The following MAGI2 variants were observed in gnomAD, a reference collection of about 807,000 sequenced individuals.
The protein encoded by MAGI2 is membrane associated guanylate kinase, WW and PDZ domain containing 2, also known as membrane-associated guanylate kinase, WW and PDZ domain-containing protein 2.
A neutral mutation model predicts 133.3 loss-of-function variants in MAGI2; 35 were observed. That is an observed-to-expected ratio of 0.26 (90% CI 0.20 to 0.35). The LOEUF (loss-of-function observed/expected upper bound fraction) is 0.35, where lower values mean the gene tolerates loss of function less well. Among genes scored for constraint, MAGI2 ranks in the 10% least tolerant of loss-of-function variants. The probability of loss-of-function intolerance (pLI) is 1.00; values close to 1 mark genes in which losing one functional copy is unlikely to be tolerated. For missense variants in MAGI2, 1,636 were observed against 1,863.4 expected, an observed-to-expected ratio of 0.88 and a Z score of 2.25; for synonymous variants, 729 against 710.6, an observed-to-expected ratio of 1.03 and a Z score of -0.41.
At chr7:78,910,933 C>T (rs1798354882) in intron 2 of MAGI2, among the ~76,000 whole-genome samples, 1 of 152,154 alleles carries the variant, frequency 6.6e-6, no homozygotes, top group Non-Finnish European at 1.5e-5. Flanking sequence ...CACACATTTG[C>T]ACTCTTGACC....
At chr7:79,302,904 CA>C (rs1303512458) in intron 1 of MAGI2, among the ~76,000 whole-genome samples, 3 of 152,318 alleles carry the variant, frequency 2.0e-5, no homozygotes, top group East Asian at 1.9e-4. Flanking sequence ...TTTGCTATAG[CA>C]CACACTTGAT....
chr7:78,993,397 T>C (rs1805979877), intron 2 of MAGI2, among the ~76,000 whole-genome samples: 1 of 152,120 alleles, frequency 6.6e-6, no homozygotes, highest in African/African-American at 2.4e-5. Flanking sequence ...GCTGGTACTA[T>C]ATGTATATTG....
chr7:78,782,150 A>C (rs774901718), intron 2 of MAGI2, among the ~76,000 whole-genome samples: 1 of 152,202 alleles, frequency 6.6e-6, no homozygotes, highest in South Asian at 2.1e-4. Context: ...AGCTTCCTCC[A>C]ACTCAGGAGA....
At chr7:78,429,313 T>A (rs1249414290) in intron 6 of MAGI2, among the ~76,000 whole-genome samples, 1 of 152,094 alleles carries the variant, frequency 6.6e-6, no homozygotes, top group East Asian at 1.9e-4. Flanking sequence ...TTTTCTTTTC[T>A]CCTTTTCTGA....
rs138178689 is a variant in MAGI2, at chr7:78,410,850, A to C, written c.1046-41637T>G. ...AAGATCAAAGATAATAAAAATCAAAAAGGGAATATAATATATATAAACCTT... is the reference window on the plus strand; with the variant it reads ...AAGATCAAAGATAATAAAAATCAAACAGGGAATATAATATATATAAACCTT... On this transcript the variant is annotated intron_variant, in intron 6 of 21. Transcript: ENST00000354212. 5.7e-3 allele frequency among the ~76,000 whole-genome samples: 874 copies of C among 152,124 alleles called. 5 individuals are homozygous for C. The highest frequency in any genetic ancestry group is 0.02 in the Middle Eastern group (6 of 294).
intron 1 of MAGI2, among the ~76,000 whole-genome samples, chr7:79,148,057 G>T (rs541078358): frequency 1.3e-5 from 2 of 152,300 alleles, no homozygotes; most frequent in South Asian, 4.1e-4. Flanking sequence ...TGGATAAACA[G>T]AACTTTTCTT....
intron 2 of MAGI2, among the ~76,000 whole-genome samples, chr7:78,746,794 G>T (rs188747049): frequency 8.5e-5 from 13 of 152,198 alleles, no homozygotes; most frequent in African/African-American, 2.9e-4. Context: ...TTTTTACAAA[G>T]CATATTAATT....
At chr7:78,950,686 A>G (rs1159210226) in intron 2 of MAGI2, among the ~76,000 whole-genome samples, 2 of 152,188 alleles carry the variant, frequency 1.3e-5, no homozygotes, top group Admixed American at 1.3e-4. Flanking sequence ...AGCAGTCTTT[A>G]TGAGAAAAGA....
chr7:78,412,453 G>A (rs1052705788), intron 6 of MAGI2, among the ~76,000 whole-genome samples: 2 of 152,066 alleles, frequency 1.3e-5, no homozygotes, highest in Admixed American at 6.6e-5. Context: ...GGTAATGGGT[G>A]ACATCTGAGC....
intron 9 of MAGI2, among the ~76,000 whole-genome samples, chr7:78,330,864 A>G (rs1037960523): frequency 2.0e-5 from 3 of 152,164 alleles, no homozygotes; most frequent in African/African-American, 7.2e-5. Flanking sequence ...TAAAAAGCAG[A>G]TTGTTTCCTG....
intron 2 of MAGI2, among the ~76,000 whole-genome samples, chr7:78,807,663 G>A (rs1788696778): frequency 6.6e-6 from 1 of 152,102 alleles, no homozygotes; most frequent in African/African-American, 2.4e-5. Context: ...TTGCCCTTAA[G>A]GCACTGAGGG....
At chr7:78,249,204 A>T (rs1792117836) in intron 10 of MAGI2, among the ~76,000 whole-genome samples, 1 of 152,138 alleles carries the variant, frequency 6.6e-6, no homozygotes, top group Non-Finnish European at 1.5e-5. Flanking sequence ...GCAAAAAGAC[A>T]AAAGATAACA....
chr7:78,972,938 T>TACACACAC (rs3069435), intron 2 of MAGI2, among the ~76,000 whole-genome samples: 1,566 of 148,334 alleles, frequency 0.011, 31 homozygotes, highest in African/African-American at 0.035. Flanking sequence ...TTGTTGCTTT[T>TACACACAC]ACACACACAC....
chr7:78,212,139 T>G (rs1287903530), intron 10 of MAGI2, among the ~76,000 whole-genome samples: 1 of 152,226 alleles, frequency 6.6e-6, no homozygotes, highest in Non-Finnish European at 1.5e-5. Flanking sequence ...TACCAGTACT[T>G]CTCTATTTGA....
At chr7:78,625,364 C>G (rs1242575800) in intron 3 of MAGI2, among the ~76,000 whole-genome samples, 1 of 151,068 alleles carries the variant, frequency 6.6e-6, no homozygotes, top group African/African-American at 2.4e-5. Flanking sequence ...TAGAAAAAAG[C>G]TTATAGAATA....
At chr7:78,461,832 A>T (rs554921336) in intron 6 of MAGI2, among the ~76,000 whole-genome samples, 1 of 145,364 alleles carries the variant, frequency 6.9e-6, no homozygotes, top group Non-Finnish European at 1.5e-5. Flanking sequence ...AATTGCTTGA[A>T]CCCAGGAGGC....
chr7:78,802,191 G>T (rs555647182), intron 2 of MAGI2, among the ~76,000 whole-genome samples: 1 of 152,054 alleles, frequency 6.6e-6, no homozygotes, highest in Non-Finnish European at 1.5e-5. Context: ...TGATCCACCA[G>T]TCTAACTTAA....
At chr7:78,998,068 T>A (rs1409880505) in intron 2 of MAGI2, among the ~76,000 whole-genome samples, 1 of 152,148 alleles carries the variant, frequency 6.6e-6, no homozygotes, top group Non-Finnish European at 1.5e-5. Flanking sequence ...GTTTCATGAA[T>A]AGTGAAGGCA....
At chr7:78,491,881 G>C (rs1793647083) in intron 5 of MAGI2, among the ~76,000 whole-genome samples, 1 of 79,032 alleles carries the variant, frequency 1.3e-5, no homozygotes, top group African/African-American at 6.9e-5. Flanking sequence ...TTGTGTGTGT[G>C]TGTGTGTGTG....
Sources: gnomAD v4.1 joint callset for allele counts (sites outside exome capture counted in the v4.1 genomes callset) on GRCh38, gnomAD v4.1.1 for gene constraint, MANE v1.5 for transcripts, NCBI Gene and HGNC (gene_info 2026-07-23, HGNC 2026-07-21) for gene names.